Variants in PSD3 observed in about 807,000 individuals in gnomAD.
The protein encoded by PSD3 is pleckstrin and Sec7 domain containing 3, also known as PH and SEC7 domain-containing protein 3.
A neutral mutation model predicts 105.5 loss-of-function variants in PSD3; 49 were observed. That is an observed-to-expected ratio of 0.46 (90% CI 0.37 to 0.59). The LOEUF (loss-of-function observed/expected upper bound fraction) is 0.59, where lower values mean the gene tolerates loss of function less well. Among genes scored for constraint, PSD3 ranks in the 20% least tolerant of loss-of-function variants. The pLI is 0.00. For synonymous variants in PSD3, 557 were observed against 457.8 expected, an observed-to-expected ratio of 1.22 and a Z score of -2.77; for missense variants, 1,561 against 1,263.8, an observed-to-expected ratio of 1.24 and a Z score of -3.57.
chr8:18,560,174 T>A, intron 14 of PSD3, among the ~76,000 whole-genome samples: 1 of 98,058 alleles, frequency 1.0e-5, no homozygotes, highest in Admixed American at 1.2e-4. Context: ...GATACACATT[T>A]TACACACACA....
intron 15 of PSD3, 55 bp from the exon 16 acceptor site, chr8:18,536,013 G>C: frequency 1.3e-6 from 2 of 1,522,382 alleles, no homozygotes; most frequent in South Asian, 1.1e-5. Flanking sequence ...AAATGCACGT[G>C]TGCAGCACAC....
At position 18,535,226 on chromosome 8, in the gene PSD3, T is replaced by C. The variant is rs1239720691; in HGVS notation, c.*517A>G. ...TGAAGCTGCCTCATATTGGAGCAAC[T>C]AGATTCCCAGCACTGTGATTCTTAC... On this transcript the variant is annotated 3_prime_UTR_variant, in exon 16 of 16. Transcript: ENST00000327040. 1 of 159,674 alleles carries C rather than the reference T, an allele frequency of 6.3e-6. No individual in the cohort carries two copies. The highest frequency in any genetic ancestry group is 1.4e-5 in the Non-Finnish European group (1 of 72,026). The allele number at this position is 159,674 out of a possible 1,614,324, so 9.9% of individuals were successfully genotyped here. A position where few individuals can be genotyped will look rare whatever the true frequency, so the allele number is the denominator to read the frequency against.
chr8:19,037,539 G>A (rs1029747184), intron 1 of PSD3, among the ~76,000 whole-genome samples: 5 of 152,236 alleles, frequency 3.3e-5, no homozygotes, highest in African/African-American at 1.2e-4. Flanking sequence ...GTTTCCAGAA[G>A]AGATTCATAT....
intron 14 of PSD3, among the ~76,000 whole-genome samples, chr8:18,557,855 A>G (rs557456865): frequency 9.2e-5 from 14 of 152,374 alleles, no homozygotes; most frequent in African/African-American, 3.4e-4. Flanking sequence ...CAAGGAGACT[A>G]TCAACTATGT....
intron 1 of PSD3, among the ~76,000 whole-genome samples, chr8:19,019,642 CA>C (rs77323821): frequency 0.21 from 31,914 of 151,972 alleles, 3,494 homozygotes; most frequent in Non-Finnish European, 0.23. Context: ...CGAGGCTCAA[CA>C]AAAAAATTTT....
chr8:18,754,588 G>C (rs1805872172), intron 9 of PSD3, among the ~76,000 whole-genome samples: 1 of 152,010 alleles, frequency 6.6e-6, no homozygotes, highest in African/African-American at 2.4e-5. Flanking sequence ...CCAGGGGGAG[G>C]ATCAGGTCAA....
chr8:18,598,803 T>C (rs1176836187), intron 12 of PSD3, among the ~76,000 whole-genome samples: 6 of 151,942 alleles, frequency 3.9e-5, no homozygotes, highest in African/African-American at 7.3e-5. Flanking sequence ...CATCAAAAAC[T>C]ATTAAAAAAT....
intron 13 of PSD3, 29 bp from the exon 14 acceptor site, chr8:18,572,701 G>A (rs1489095516): frequency 6.2e-7 from 1 of 1,605,772 alleles, no homozygotes; most frequent in Non-Finnish European, 8.5e-7. Context: ...TTTATATCAG[G>A]ATATTGCCAT....
At chr8:18,762,800 T>G in intron 9 of PSD3, 4 of 598,742 alleles carry the variant, frequency 6.7e-6, no homozygotes, top group Non-Finnish European at 9.8e-6. Flanking sequence ...CACAAGCTTC[T>G]CATTTCTCAC....
intron 1 of PSD3, among the ~76,000 whole-genome samples, chr8:18,984,062 T>C (rs1050113506): frequency 2.7e-5 from 4 of 145,954 alleles, no homozygotes; most frequent in African/African-American, 5.1e-5. Context: ...ATAGGTATAA[T>C]AATAATAATG....
At chr8:18,560,436 A>T (rs1801331268) in intron 14 of PSD3, among the ~76,000 whole-genome samples, 2 of 152,178 alleles carry the variant, frequency 1.3e-5, no homozygotes, top group Non-Finnish European at 2.9e-5. Context: ...AGAAGACAAT[A>T]CTAGCAAAAT....
chr8:18,909,846 T>C (rs1026252699), intron 2 of PSD3, among the ~76,000 whole-genome samples: 1 of 152,224 alleles, frequency 6.6e-6, no homozygotes. Flanking sequence ...TTGTAATTTA[T>C]GTTTCTTTGT....
chr8:18,995,622 G>A (rs542865569), intron 1 of PSD3, among the ~76,000 whole-genome samples: 5 of 151,880 alleles, frequency 3.3e-5, no homozygotes, highest in African/African-American at 7.3e-5. Flanking sequence ...AGACATGCCC[G>A]GGACTCAGTA....
At chr8:18,810,895 G>A (rs554481401) in intron 4 of PSD3, among the ~76,000 whole-genome samples, 2 of 152,264 alleles carry the variant, frequency 1.3e-5, no homozygotes, top group African/African-American at 4.8e-5. Context: ...AGCTTCCAGG[G>A]CTGAAATACA....
rs1305874781 is a variant in PSD3, at chr8:18,848,303, A to G, written c.1634+19371T>C. Among the ~76,000 whole-genome samples, 7 of 152,296 alleles carry G rather than the reference A, an allele frequency of 4.6e-5. 1 individual carries two copies. In the East Asian group the frequency reaches 1.4e-3, roughly 29 times the overall value. ...ATAAATATGACTTCTACCCCAGCCA[A>G]CAAAACATGGATTTTGATACTGAAT... is the stretch of plus-strand genomic sequence containing the variant. On this transcript the variant is annotated intron_variant, in intron 4 of 15. Coordinates refer to ENST00000327040, the MANE Select transcript of PSD3 (RefSeq NM_015310.4).
In PSD3 at chr8:18,535,905, T is replaced by A; in HGVS notation, c.2982A>T (p.Leu994=). 1 of 1,614,220 alleles carries A rather than the reference T, an allele frequency of 6.2e-7. No individual in the cohort carries two copies. ...CAGCCTCGCTTTCATCGTTACTCAG[T>A]AGCTCTTTGCCTCCTTCCTTGAGAA... is the stretch of plus-strand genomic sequence containing the variant. ...VSILKEGGKE[L]LSNDESEAAG... The change falls in exon 16 of 16, where the codon CTA becomes CTT. Residue 994 remains leucine (L), a synonymous_variant. Transcript: ENST00000327040.
chr8:18,807,162 C>T (rs1023135090), intron 4 of PSD3, among the ~76,000 whole-genome samples: 1 of 152,212 alleles, frequency 6.6e-6, no homozygotes. Context: ...ACTGCTCCAT[C>T]TTGTCACTTA....
At chr8:18,981,459 T>C (rs1369125088) in intron 1 of PSD3, among the ~76,000 whole-genome samples, 1 of 152,164 alleles carries the variant, frequency 6.6e-6, no homozygotes, top group African/African-American at 2.4e-5. Context: ...CCTGTGTCTT[T>C]GGAAAATAGA....
chr8:18,863,008 T>C (rs1415467657), intron 4 of PSD3, among the ~76,000 whole-genome samples: 1 of 152,054 alleles, frequency 6.6e-6, no homozygotes, highest in Non-Finnish European at 1.5e-5. Context: ...TGTTCTGCCA[T>C]ACCCGTTAGT....
Sources: allele counts gnomAD v4.1 joint callset (sites outside exome capture counted in the v4.1 genomes callset), GRCh38; gene constraint gnomAD v4.1.1; transcripts MANE v1.5; gene names NCBI Gene and HGNC (gene_info 2026-07-23, HGNC 2026-07-21).